ULK4: variants seen among roughly 807,000 people sequenced by gnomAD.
ULK4 encodes inactive serine/threonine-protein kinase ULK4.
Under a neutral mutation model 160.6 loss-of-function variants are expected in ULK4, and 133 were observed. That is an observed-to-expected ratio of 0.83 (90% CI 0.72 to 0.96). The LOEUF is 0.96. ULK4 is among the 40% of genes least tolerant of loss of function. The pLI is 0.00. For missense variants in ULK4, 1,580 were observed against 1,499.5 expected (o/e 1.05, Z -0.89); for synonymous variants, 534 against 539.8 (o/e 0.99, Z 0.15).
intron 34 of ULK4, among the ~76,000 whole-genome samples, chr3:41,440,903 C>T (rs1575222243): frequency 6.6e-6 from 1 of 151,982 alleles, no homozygotes. Context: ...TCCATTTCAT[C>T]TAAGTTCTTT....
rs1272109855 is a variant in ULK4 at position 41,856,539 on chromosome 3, ATATATATATG to A, written c.1657-20578_1657-20569del. Among the ~76,000 whole-genome samples the A allele has an allele frequency of 4.1e-4, 36 of 87,874 alleles. 1 individual carries two copies. Among genetic ancestry groups the A allele is most frequent in the African/African-American group, 2.2e-3 (33 of 14,898 alleles). 57.6% of individuals were successfully genotyped at this position (87,874 alleles called of 152,430 possible). On this transcript the variant is annotated intron_variant, in intron 17 of 36. Transcript: ENST00000301831. ...TATATATATATATATATATGTATGT[ATATATATATG>A]TGTATATATATACACATATATATAT... is the stretch of plus-strand genomic sequence containing the variant.
intron 32 of ULK4, among the ~76,000 whole-genome samples, chr3:41,506,765 A>AAAAAAAAAAAAAAAAATATATAT (rs1491135487): frequency 4.8e-4 from 5 of 10,462 alleles, no homozygotes; most frequent in South Asian, 6.0e-3. Flanking sequence ...AGTGTGATTT[A>AAAAAAAAAAAAAAAAATATATAT]AAATATATAT....
chr3:41,356,958 C>A (rs893049391), intron 35 of ULK4, among the ~76,000 whole-genome samples: 2 of 152,178 alleles, frequency 1.3e-5, no homozygotes, highest in Non-Finnish European at 2.9e-5. Flanking sequence ...CAGGTCCATG[C>A]TCTGAGGAAG....
Position 41,932,221 on chromosome 3 carries a change from T to C in ULK4, c.379-215A>G, listed in dbSNP as rs983281261. ...AAATTAAATTGTTCATTCTCAGATG[T>C]ATATAATGAACACATCATATAACCA... On this transcript the variant is annotated intron_variant, in intron 4 of 36. Coordinates refer to ENST00000301831, the MANE Select transcript of ULK4 (RefSeq NM_017886.4). 6.6e-4 allele frequency among the ~76,000 whole-genome samples: 101 copies of C among 152,238 alleles called. 1 individual carries two copies. The highest frequency in any genetic ancestry group is 5.2e-3 in the Admixed American group (79 of 15,282).
intron 32 of ULK4, among the ~76,000 whole-genome samples, chr3:41,482,982 A>C (rs1178874971): frequency 6.6e-6 from 1 of 152,194 alleles, no homozygotes; most frequent in Non-Finnish European, 1.5e-5. Context: ...TGGTATAGCC[A>C]TCACCTCAAG....
intron 35 of ULK4, among the ~76,000 whole-genome samples, chr3:41,324,689 G>A (rs929336857): frequency 6.6e-6 from 1 of 152,056 alleles, no homozygotes; most frequent in African/African-American, 2.4e-5. Context: ...GCATGATGGG[G>A]GAACAACATA....
intron 18 of ULK4, among the ~76,000 whole-genome samples, chr3:41,822,914 G>A (rs1200549036): frequency 1.3e-5 from 2 of 150,360 alleles, no homozygotes; most frequent in Non-Finnish European, 2.9e-5. Flanking sequence ...AGAAGAGACC[G>A]GTTTTCACCA....
rs752232083 is a variant in ULK4, at chr3:41,246,905, GGCTTGT to G, written c.*18_*23del. ...ATCCGAGGGCTGGGGCCACAGGGCG[GGCTTGT>G]GCTAAGCACCTTCTTGCCTAGTGCC... is the stretch of plus-strand genomic sequence containing the variant. On this transcript the variant is annotated 3_prime_UTR_variant, in exon 37 of 37. Coordinates refer to ENST00000301831, the MANE Select transcript of ULK4 (RefSeq NM_017886.4). 2.3e-5 allele frequency: 37 copies of G among 1,612,024 alleles called. No homozygotes were observed. The highest frequency in any genetic ancestry group is 3.1e-5 in the Non-Finnish European group (36 of 1,179,336).
chr3:41,828,104 T>C (rs890540867), intron 18 of ULK4, among the ~76,000 whole-genome samples: 2 of 135,030 alleles, frequency 1.5e-5, no homozygotes, highest in Middle Eastern at 3.8e-3. Context: ...CAACAGCCCT[T>C]CATGCTAAAA....
intron 2 of ULK4, among the ~76,000 whole-genome samples, chr3:41,950,359 G>C (rs528575338): frequency 6.6e-6 from 1 of 152,274 alleles, no homozygotes; most frequent in Admixed American, 6.5e-5. Context: ...TCCTGCCTCA[G>C]CCTCCCAAGT....
At chr3:41,946,749 T>G (rs1700124506) in intron 2 of ULK4, among the ~76,000 whole-genome samples, 1 of 152,204 alleles carries the variant, frequency 6.6e-6, no homozygotes, top group South Asian at 2.1e-4. Context: ...GTGATCAGGT[T>G]TCCATGTTGC....
At chr3:41,251,586 G>A (rs1559487470) in intron 35 of ULK4, among the ~76,000 whole-genome samples, 1 of 152,186 alleles carries the variant, frequency 6.6e-6, no homozygotes, top group Non-Finnish European at 1.5e-5. Flanking sequence ...TTGAGGAATA[G>A]AGAAGGGAAA....
chr3:41,449,975 T>C (rs1343126962), intron 34 of ULK4, among the ~76,000 whole-genome samples: 1 of 150,090 alleles, frequency 6.7e-6, no homozygotes, highest in African/African-American at 2.5e-5. Flanking sequence ...GCACACATGA[T>C]TCATGTGAAA....
At chr3:41,787,611 T>C (rs563099171) in intron 21 of ULK4, among the ~76,000 whole-genome samples, 44 of 152,336 alleles carry the variant, frequency 2.9e-4, no homozygotes, top group African/African-American at 1.0e-3. Context: ...GTGTATAGAC[T>C]TTCAGTTTTG....
intron 22 of ULK4, among the ~76,000 whole-genome samples, chr3:41,728,950 G>A (rs1306092954): frequency 2.0e-5 from 3 of 152,138 alleles, no homozygotes; most frequent in Non-Finnish European, 2.9e-5. Flanking sequence ...ACTGTCTGAT[G>A]TTAAATAAGA....
At chr3:41,398,793 T>C (rs961319743) in intron 34 of ULK4, among the ~76,000 whole-genome samples, 1 of 151,108 alleles carries the variant, frequency 6.6e-6, no homozygotes, top group Non-Finnish European at 1.5e-5. Flanking sequence ...TTTTAAAAAG[T>C]TTTTTTTATT....
chr3:41,775,980 T>A (rs778628463), intron 21 of ULK4, among the ~76,000 whole-genome samples: 2 of 150,978 alleles, frequency 1.3e-5, no homozygotes, highest in Admixed American at 6.6e-5. Context: ...CTGTGATAAA[T>A]AATTTTTCCA....
intron 35 of ULK4, among the ~76,000 whole-genome samples, chr3:41,261,987 A>G (rs563102338): frequency 6.6e-6 from 1 of 152,336 alleles, no homozygotes; most frequent in African/African-American, 2.4e-5. Context: ...AACATCTTCC[A>G]TGATCACACG....
intron 34 of ULK4, among the ~76,000 whole-genome samples, chr3:41,405,819 T>G (rs1257948189): frequency 6.6e-6 from 1 of 152,176 alleles, no homozygotes; most frequent in Non-Finnish European, 1.5e-5. Context: ...AATGAGTTTT[T>G]TTTTTGTTTG....
Sources: gnomAD v4.1 joint callset for allele counts (sites outside exome capture counted in the v4.1 genomes callset) on GRCh38, gnomAD v4.1.1 for gene constraint, MANE v1.5 for transcripts, NCBI Gene and HGNC (gene_info 2026-07-23, HGNC 2026-07-21) for gene names.